CCSER1: variants seen among roughly 807,000 people sequenced by gnomAD.
The protein encoded by CCSER1 is serine-rich coiled-coil domain-containing protein 1.
A neutral mutation model predicts 82.0 loss-of-function variants in CCSER1; 41 were observed. The ratio of observed to expected loss-of-function variants is 0.50; its 90% CI spans 0.39 to 0.65. CCSER1 has a LOEUF of 0.65. Among genes scored for constraint, CCSER1 ranks in the 30% least tolerant of loss-of-function variants. The probability of loss-of-function intolerance (pLI) is 0.00; values close to 1 mark genes in which losing one functional copy is unlikely to be tolerated. For missense variants in CCSER1, 1,119 were observed against 1,064.2 expected (o/e 1.05, Z -0.72); for synonymous variants, 414 against 383.9 (o/e 1.08, Z -0.92).
At chr4:90,698,335 T>C (rs1318110369) in intron 6 of CCSER1, among the ~76,000 whole-genome samples, 3 of 152,150 alleles carry the variant, frequency 2.0e-5, no homozygotes, top group African/African-American at 7.2e-5. Context: ...AATAACCAAG[T>C]TTCAGAGAGA....
chr4:90,949,574 A>G (rs1429954412), intron 9 of CCSER1, among the ~76,000 whole-genome samples: 2 of 152,120 alleles, frequency 1.3e-5, no homozygotes, highest in Non-Finnish European at 2.9e-5. Flanking sequence ...TTCATGTGAT[A>G]TATGAGGAAA....
intron 5 of CCSER1, among the ~76,000 whole-genome samples, chr4:90,562,748 C>T (rs993029102): frequency 6.6e-6 from 1 of 151,218 alleles, no homozygotes; most frequent in Admixed American, 6.6e-5. Context: ...ATGTTCCCCA[C>T]GCTCGTCTCA....
intron 6 of CCSER1, among the ~76,000 whole-genome samples, chr4:90,693,053 A>AT (rs1298540551): frequency 6.6e-6 from 1 of 151,958 alleles, no homozygotes; most frequent in East Asian, 1.9e-4. Flanking sequence ...AAAACTCAGT[A>AT]AAGTGTCACT....
intron 7 of CCSER1, chr4:90,727,369 C>T (rs1217034538): frequency 3.8e-5 from 17 of 449,184 alleles, no homozygotes; most frequent in South Asian, 2.4e-4. Context: ...TGAAACATTG[C>T]TCTGATAAAA....
intron 10 of CCSER1, among the ~76,000 whole-genome samples, chr4:91,215,198 GT>G (rs1468072508): frequency 6.6e-6 from 1 of 152,066 alleles, no homozygotes; most frequent in Non-Finnish European, 1.5e-5. Flanking sequence ...TAAAGTTATT[GT>G]TATTCAGACA....
At chr4:91,044,027 C>T (rs1394589065) in intron 9 of CCSER1, among the ~76,000 whole-genome samples, 1 of 152,118 alleles carries the variant, frequency 6.6e-6, no homozygotes, top group Non-Finnish European at 1.5e-5. Context: ...TTTATACATA[C>T]AAAGACCCAG....
At chr4:91,080,168 T>C (rs1722544261) in intron 9 of CCSER1, among the ~76,000 whole-genome samples, 1 of 152,112 alleles carries the variant, frequency 6.6e-6, no homozygotes, top group African/African-American at 2.4e-5. Context: ...TAGTCAGAAA[T>C]AAAGCATTCC....
intron 9 of CCSER1, among the ~76,000 whole-genome samples, chr4:90,989,978 G>A (rs1213235363): frequency 1.3e-5 from 2 of 151,786 alleles, no homozygotes; most frequent in Admixed American, 6.6e-5. Flanking sequence ...TAGTGACCTA[G>A]GGTACCCAGA....
At chr4:91,005,276 G>A (rs1738402274) in intron 9 of CCSER1, among the ~76,000 whole-genome samples, 1 of 151,986 alleles carries the variant, frequency 6.6e-6, no homozygotes, top group South Asian at 2.1e-4. Context: ...ATAAAATACT[G>A]GTAATGTTAC....
At chr4:91,442,159 G>A (rs1251024830) in intron 10 of CCSER1, among the ~76,000 whole-genome samples, 10 of 151,000 alleles carry the variant, frequency 6.6e-5, no homozygotes, top group East Asian at 2.0e-4. Context: ...AGCCCACATC[G>A]CCAAGTCAAT....
intron 10 of CCSER1, among the ~76,000 whole-genome samples, chr4:91,579,664 A>G (rs1380053808): frequency 6.6e-6 from 1 of 151,798 alleles, no homozygotes; most frequent in Non-Finnish European, 1.5e-5. Flanking sequence ...TCATTTTCCT[A>G]AACCCTAAAT....
intron 5 of CCSER1, among the ~76,000 whole-genome samples, chr4:90,526,004 C>A (rs1351175066): frequency 6.6e-6 from 1 of 152,034 alleles, no homozygotes; most frequent in Non-Finnish European, 1.5e-5. Context: ...GTTAAAATAT[C>A]AACTTAGTTA....
chr4:90,759,598 G>A (rs57695619), intron 7 of CCSER1, among the ~76,000 whole-genome samples: 40,439 of 151,914 alleles, frequency 0.27, 5,983 homozygotes, highest in East Asian at 0.34. Context: ...CTACCAAGTC[G>A]TGTCTCTGAA....
At chr4:90,675,357 A>T (rs1733635193) in intron 6 of CCSER1, among the ~76,000 whole-genome samples, 1 of 151,982 alleles carries the variant, frequency 6.6e-6, no homozygotes, top group African/African-American at 2.4e-5. Flanking sequence ...CTTTGTAAGG[A>T]TGCAAGAAAA....
At chr4:90,841,396 A>G (rs953188130) in intron 8 of CCSER1, among the ~76,000 whole-genome samples, 8 of 151,838 alleles carry the variant, frequency 5.3e-5, no homozygotes, top group African/African-American at 1.9e-4. Flanking sequence ...GGCTAACACA[A>G]TGAAACCCCG....
chr4:90,368,019 T>C (rs1000824679), intron 3 of CCSER1, among the ~76,000 whole-genome samples: 2 of 151,930 alleles, frequency 1.3e-5, no homozygotes, highest in African/African-American at 4.8e-5. Context: ...GTTCTGAAAT[T>C]CAATAATAAA....
intron 10 of CCSER1, among the ~76,000 whole-genome samples, chr4:91,344,700 TA>T (rs1747943250): frequency 6.6e-6 from 1 of 151,310 alleles, no homozygotes; most frequent in Non-Finnish European, 1.5e-5. Flanking sequence ...TGAATGGCAT[TA>T]AAAGTTTCTT....
chr4:90,406,245 A>C (rs1032848207), intron 4 of CCSER1, among the ~76,000 whole-genome samples: 1 of 152,222 alleles, frequency 6.6e-6, no homozygotes, highest in Non-Finnish European at 1.5e-5. Flanking sequence ...CTTTAAAGCA[A>C]CAGCAGTTAA....
At chr4:90,707,578 A>G (rs1580065401) in intron 6 of CCSER1, among the ~76,000 whole-genome samples, 1 of 151,802 alleles carries the variant, frequency 6.6e-6, no homozygotes, top group South Asian at 2.1e-4. Context: ...AGTTTTTACT[A>G]CTTCCACTGC....
Sources: allele counts gnomAD v4.1 joint callset (sites outside exome capture counted in the v4.1 genomes callset), GRCh38; gene constraint gnomAD v4.1.1; transcripts MANE v1.5; gene names NCBI Gene and HGNC (gene_info 2026-07-23, HGNC 2026-07-21).